Variants in NEMP2 observed in about 807,000 individuals in gnomAD.
NEMP2 encodes the protein UPF0571 transmembrane protein.
Under a neutral mutation model 54.2 loss-of-function variants are expected in NEMP2, and 53 were observed. The observed-to-expected ratio is 0.98, with a 90% CI of 0.78 to 1.23. The LOEUF (loss-of-function observed/expected upper bound fraction) is 1.23, where lower values mean the gene tolerates loss of function less well. Ranked by LOEUF, NEMP2 falls within the 50% of genes most tolerant of loss-of-function variation. The pLI is 0.00. For synonymous variants in NEMP2, 197 were observed against 190.3 expected, an observed-to-expected ratio of 1.04 and a Z score of -0.29; for missense variants, 455 against 511.3, an observed-to-expected ratio of 0.89 and a Z score of 1.06.
chr2:190,437,271 C>G, the NEMP2 span: 2 of 1,614,170 alleles, frequency 1.2e-6, no homozygotes, highest in Non-Finnish European at 8.5e-7. The surrounding 1 kb of genome is among the most constrained non-coding windows in gnomAD (Gnocchi z 5.9). Flanking sequence ...TGGAAAGGAA[C>G]AACTCTACAG....
In NEMP2 at chr2:190,522,685, G is replaced by T. The variant is rs1690793373; in HGVS notation, c.213+2578C>A. Among the ~76,000 whole-genome samples, 1 of 152,078 alleles carries T rather than the reference G, an allele frequency of 6.6e-6. No individual in the cohort carries two copies. The highest frequency in any genetic ancestry group is 1.5e-5 in the Non-Finnish European group (1 of 68,020). On this transcript the variant is annotated intron_variant, in intron 2 of 8. Transcript: ENST00000409150. The surrounding 1 kb of genome is among the most constrained non-coding windows in gnomAD (Gnocchi z 5.0). ...ATACAGACCTTAAGTCTGATAAGAA[G>T]CATTTATAATCTATTCTCTCTAAAG...
downstream of NEMP2, among the ~76,000 whole-genome samples, chr2:190,503,025 C>G (rs1690089402): frequency 6.6e-6 from 1 of 152,210 alleles, no homozygotes; most frequent in African/African-American, 2.4e-5. This position sits in a 1 kb window ranked among gnomAD's most constrained non-coding sequence, Gnocchi z 6.3. Context: ...TCTGTTATGG[C>G]AGAGGAAGCC....
At chr2:190,598,858 A>G in the NEMP2 span, among the ~76,000 whole-genome samples, 1 of 152,244 alleles carries the variant, frequency 6.6e-6, no homozygotes, top group Non-Finnish European at 1.5e-5. Flanking sequence ...TAACGTTAAT[A>G]TACCTTAATC....
In NEMP2 at chr2:190,506,514, CTAAATA is replaced by C. The variant is rs1486333705; in HGVS notation, c.*2669_*2674del. ...CATCTATTCCAAACCCTCTTAAAAT[CTAAATA>C]TATGAAATTTCCAGATTTTTTTAAA... On this transcript the variant is annotated 3_prime_UTR_variant, in exon 9 of 9. Transcript: ENST00000409150. The surrounding 1 kb of genome is among the most constrained non-coding windows in gnomAD (Gnocchi z 6.3). The C allele has an allele frequency of 1.3e-5, 2 of 152,110 alleles. No individual in the cohort carries two copies. Among genetic ancestry groups the C allele is most frequent in the African/African-American group, 4.8e-5 (2 of 41,418 alleles). 9.4% of individuals were successfully genotyped at this position (152,110 alleles called of 1,614,324 possible). A position where few individuals can be genotyped will look rare whatever the true frequency, so the allele number is the denominator to read the frequency against.
chr2:190,490,307 T>C, the NEMP2 span, among the ~76,000 whole-genome samples: 588 of 151,478 alleles, frequency 3.9e-3, 4 homozygotes, highest in African/African-American at 0.014. This position sits in a 1 kb window ranked among gnomAD's most constrained non-coding sequence, Gnocchi z 4.5. Context: ...CTCACGCCTG[T>C]AATCCCAACA....
intron 1 of NEMP2, chr2:190,534,344 C>A (rs1231246495): frequency 8.3e-7 from 1 of 1,198,616 alleles, no homozygotes; most frequent in African/African-American, 1.6e-5. Context: ...TCTAAAATTA[C>A]AAAATGTCCA....
At position 190,525,154 on chromosome 2, in the gene NEMP2, G is replaced by C. The variant is rs1486904922; in HGVS notation, c.213+109C>G. On this transcript the variant is annotated intron_variant, in intron 2 of 8. Transcript: ENST00000409150. This position sits in a 1 kb window ranked among gnomAD's most constrained non-coding sequence, Gnocchi z 5.0. Reference sequence around the variant, plus strand: ...AAGTCAGCTTTCATAGTGATACACAGATCTGTGTCATACCAAAAATACTTT... The same window carrying C: ...AAGTCAGCTTTCATAGTGATACACACATCTGTGTCATACCAAAAATACTTT... 1.5e-6 allele frequency: 1 copy of C among 646,236 alleles called. No individual in the cohort carries two copies. The highest frequency in any genetic ancestry group is 2.7e-6 in the Non-Finnish European group (1 of 367,838). 40.0% of individuals were successfully genotyped at this position (646,236 alleles called of 1,614,324 possible).
the NEMP2 span, among the ~76,000 whole-genome samples, chr2:190,606,805 T>A: frequency 7.2e-4 from 109 of 152,354 alleles, no homozygotes; most frequent in Middle Eastern, 0.014. Context: ...TAATTTTTTT[T>A]AAAAATGCCT....
At chr2:190,471,140 C>T in the NEMP2 span, among the ~76,000 whole-genome samples, 1 of 152,146 alleles carries the variant, frequency 6.6e-6, no homozygotes, top group Admixed American at 6.5e-5. This position sits in a 1 kb window ranked among gnomAD's most constrained non-coding sequence, Gnocchi z 4.7. Flanking sequence ...AGGAACAGCT[C>T]CAGTCTACAG....
the NEMP2 span, among the ~76,000 whole-genome samples, chr2:190,449,556 CAT>C: frequency 6.6e-6 from 1 of 152,116 alleles, no homozygotes; most frequent in South Asian, 2.1e-4. Flanking sequence ...CACATGCACA[CAT>C]ATGACACATA....
At chr2:190,436,209 T>C in the NEMP2 span, 2 of 1,614,082 alleles carry the variant, frequency 1.2e-6, no homozygotes, top group Non-Finnish European at 1.7e-6. This position sits in a 1 kb window ranked among gnomAD's most constrained non-coding sequence, Gnocchi z 5.3. Flanking sequence ...TAGAGAAACA[T>C]TGTGTTAAGA....
chr2:190,444,046 C>T, the NEMP2 span, among the ~76,000 whole-genome samples: 2 of 152,024 alleles, frequency 1.3e-5, no homozygotes, highest in African/African-American at 4.8e-5. Flanking sequence ...CAGAGCAAGA[C>T]CCTGTTTCAA....
the NEMP2 span, among the ~76,000 whole-genome samples, chr2:190,636,190 T>C: frequency 1.3e-5 from 2 of 152,218 alleles, no homozygotes; most frequent in East Asian, 1.9e-4. Flanking sequence ...GCTGTCAGAC[T>C]TTTAAAATTT....
the NEMP2 span, among the ~76,000 whole-genome samples, chr2:190,440,247 A>G: frequency 6.6e-6 from 1 of 152,102 alleles, no homozygotes; most frequent in Non-Finnish European, 1.5e-5. Flanking sequence ...CCAGTTTTGA[A>G]CTCAGTATTT....
chr2:190,613,486 C>T, the NEMP2 span, among the ~76,000 whole-genome samples: 11,389 of 152,178 alleles, frequency 0.075, 539 homozygotes, highest in Middle Eastern at 0.14. Flanking sequence ...ATTTTGACAC[C>T]TTATAGTATT....
At chr2:190,557,155 C>T in the NEMP2 span, among the ~76,000 whole-genome samples, 1 of 152,072 alleles carries the variant, frequency 6.6e-6, no homozygotes, top group African/African-American at 2.4e-5. Flanking sequence ...AGAACAGAGG[C>T]CCCAGAAATA....
chr2:190,446,446 C>T, the NEMP2 span, among the ~76,000 whole-genome samples: 2 of 152,248 alleles, frequency 1.3e-5, no homozygotes, highest in Admixed American at 1.3e-4. Flanking sequence ...GCTACAGCTC[C>T]CTAGCTTTTT....
the NEMP2 span, among the ~76,000 whole-genome samples, chr2:190,599,813 C>T: frequency 6.6e-6 from 1 of 152,162 alleles, no homozygotes; most frequent in Non-Finnish European, 1.5e-5. Flanking sequence ...TTTTCACTGT[C>T]CCTTAGGCAA....
the NEMP2 span, among the ~76,000 whole-genome samples, chr2:190,569,590 C>T: frequency 3.9e-5 from 6 of 152,148 alleles, no homozygotes; most frequent in Non-Finnish European, 8.8e-5. Flanking sequence ...GGGAGGTTCC[C>T]TTCTTTCCTC....
Sources: allele counts gnomAD v4.1 joint callset (sites outside exome capture counted in the v4.1 genomes callset), GRCh38; gene constraint gnomAD v4.1.1; non-coding constraint Gnocchi (gnomAD v3.1); transcripts MANE v1.5; gene names NCBI Gene and HGNC (gene_info 2026-07-23, HGNC 2026-07-21).